The following KCNH5 variants were observed in gnomAD, a reference collection of about 807,000 sequenced individuals.
KCNH5 encodes the protein potassium voltage-gated channel subfamily H member 5.
Under a neutral mutation model 96.1 loss-of-function variants are expected in KCNH5, and 46 were observed. The observed-to-expected ratio is 0.48, with a 90% CI of 0.38 to 0.61. KCNH5 has a LOEUF of 0.61. Among genes scored for constraint, KCNH5 ranks in the 20% least tolerant of loss-of-function variants. KCNH5 has a pLI of 0.00. For missense variants in KCNH5, 907 were observed against 1,225.8 expected, an observed-to-expected ratio of 0.74 and a Z score of 3.88; for synonymous variants, 439 against 449.8, an observed-to-expected ratio of 0.98 and a Z score of 0.30.
intron 2 of KCNH5, among the ~76,000 whole-genome samples, chr14:63,014,539 A>T (rs901778598): frequency 1.3e-5 from 2 of 152,156 alleles, no homozygotes; most frequent in Non-Finnish European, 2.9e-5. Flanking sequence ...CTTGCCAAAG[A>T]AAATAGGCCA....
intron 7 of KCNH5, among the ~76,000 whole-genome samples, chr14:62,852,508 G>A (rs1226129989): frequency 2.0e-5 from 3 of 152,050 alleles, no homozygotes; most frequent in Admixed American, 6.5e-5. Flanking sequence ...GCAGCTTCTC[G>A]CAAGGATGAC....
Position 62,974,031 on chromosome 14 carries a change from T to C in KCNH5, c.942+6841A>G, listed in dbSNP as rs189849895. ...ATACAGGATAAAGTGAAATGATGCA[T>C]GTGGCAGCTTGACAAGCATAATTCA... On this transcript the variant is annotated intron_variant, in intron 6 of 10. Transcript: ENST00000322893. 1.3e-4 allele frequency among the ~76,000 whole-genome samples: 20 copies of C among 152,290 alleles called. No individual in the cohort carries two copies. In the East Asian group the frequency reaches 3.9e-3, roughly 29 times the overall value.
In KCNH5 at chr14:63,000,675, G is replaced by A. The variant is rs111309034; in HGVS notation, c.433+656C>T. ...ACAAAATTCAATCAACTAACCAACT[G>A]AGCTCTAGTTAGATTTCACCCAAAC... On this transcript the variant is annotated intron_variant, in intron 4 of 10. Transcript: ENST00000322893. Among the ~76,000 whole-genome samples, 306 of 152,274 alleles carry A rather than the reference G, an allele frequency of 2.0e-3. 3 individuals are homozygous for A. The highest frequency in any genetic ancestry group is 7.2e-3 in the African/African-American group (300 of 41,566).
At chr14:62,769,732 T>C (rs1426432516) in intron 10 of KCNH5, among the ~76,000 whole-genome samples, 3 of 152,226 alleles carry the variant, frequency 2.0e-5, no homozygotes, top group Non-Finnish European at 4.4e-5. Flanking sequence ...ATTATTCTGG[T>C]CAGTGATGAT....
chr14:62,789,741 C>T (rs1025360125), intron 9 of KCNH5, among the ~76,000 whole-genome samples: 1 of 151,826 alleles, frequency 6.6e-6, no homozygotes, highest in African/African-American at 2.4e-5. Context: ...GGAGAAATTT[C>T]TGCTCAGGTT....
At chr14:62,850,113 G>T (rs1887775343) in intron 7 of KCNH5, among the ~76,000 whole-genome samples, 1 of 152,114 alleles carries the variant, frequency 6.6e-6, no homozygotes, top group African/African-American at 2.4e-5. Context: ...TGAAGAATCA[G>T]ATGATCCAAA....
Position 63,024,217 on chromosome 14 carries a change from T to A in KCNH5, c.74-7263A>T, listed in dbSNP as rs182490737. On this transcript the variant is annotated intron_variant, in intron 1 of 10. Coordinates refer to ENST00000322893, the MANE Select transcript of KCNH5 (RefSeq NM_139318.5). ...GAGTGAGACTCCATCTCAAAAAATA[T>A]ATATATATATATCTTGAGACAAATG... Among the ~76,000 whole-genome samples, 67 of 145,050 alleles carry A rather than the reference T, an allele frequency of 4.6e-4. 1 individual carries two copies. Among genetic ancestry groups the A allele is most frequent in the African/African-American group, 1.5e-3 (59 of 39,474 alleles).
chr14:62,840,106 G>A (rs891919681), intron 8 of KCNH5, among the ~76,000 whole-genome samples: 1 of 152,042 alleles, frequency 6.6e-6, no homozygotes, highest in Non-Finnish European at 1.5e-5. Context: ...TCTATAGCAA[G>A]GACCACAAAA....
intron 7 of KCNH5, among the ~76,000 whole-genome samples, chr14:62,855,812 T>C (rs1395760759): frequency 6.6e-6 from 1 of 152,090 alleles, no homozygotes; most frequent in Non-Finnish European, 1.5e-5. Context: ...GATTGAACAA[T>C]GTTATAACTC....
At chr14:63,023,974 C>T (rs77458707) in intron 1 of KCNH5, among the ~76,000 whole-genome samples, 7,123 of 151,836 alleles carry the variant, frequency 0.047, 191 homozygotes, top group East Asian at 0.061. Flanking sequence ...CTTTGGGAGG[C>T]TGAGCCAGGC....
intron 4 of KCNH5, among the ~76,000 whole-genome samples, chr14:62,988,909 C>T (rs74058741): frequency 0.06 from 9,104 of 152,018 alleles, 435 homozygotes; most frequent in African/African-American, 0.13. Context: ...CCCCCTTTAT[C>T]ACCCACTCTG....
At chr14:62,955,980 C>T (rs917837440) in intron 6 of KCNH5, among the ~76,000 whole-genome samples, 8 of 152,136 alleles carry the variant, frequency 5.3e-5, no homozygotes, top group African/African-American at 1.9e-4. Context: ...CAACAACCAA[C>T]CACGCTGCAG....
intron 10 of KCNH5, among the ~76,000 whole-genome samples, chr14:62,762,830 C>T (rs1026977090): frequency 1.3e-5 from 2 of 151,494 alleles, no homozygotes; most frequent in East Asian, 3.9e-4. Flanking sequence ...TTCAAATCAA[C>T]AAGAAGACAT....
chr14:62,966,682 A>G (rs1311232143), intron 6 of KCNH5, among the ~76,000 whole-genome samples: 1 of 152,132 alleles, frequency 6.6e-6, no homozygotes, highest in Non-Finnish European at 1.5e-5. Flanking sequence ...GAACTTTGCA[A>G]AGACCTATTA....
intron 6 of KCNH5, among the ~76,000 whole-genome samples, chr14:62,974,234 C>G (rs1890461000): frequency 6.6e-6 from 1 of 152,122 alleles, no homozygotes; most frequent in Non-Finnish European, 1.5e-5. Flanking sequence ...CTTATTAAGA[C>G]TACTCATTAT....
intron 4 of KCNH5, among the ~76,000 whole-genome samples, chr14:62,996,776 C>T (rs948930664): frequency 8.5e-5 from 13 of 152,216 alleles, no homozygotes; most frequent in Admixed American, 5.9e-4. Flanking sequence ...AAAACTGCTG[C>T]GAAAGTACTG....
chr14:62,846,952 C>T (rs1188179948), intron 8 of KCNH5, among the ~76,000 whole-genome samples: 4 of 148,696 alleles, frequency 2.7e-5, no homozygotes, highest in Non-Finnish European at 6.0e-5. Flanking sequence ...AGGCGCCCGC[C>T]AGCACGCCCG....
At chr14:62,817,134 A>T (rs1383535666) in intron 8 of KCNH5, among the ~76,000 whole-genome samples, 2 of 139,246 alleles carry the variant, frequency 1.4e-5, no homozygotes, top group African/African-American at 5.2e-5. Flanking sequence ...ATTATAATAT[A>T]TAATATATAT....
At chr14:62,952,367 CA>C (rs1890023557) in intron 6 of KCNH5, among the ~76,000 whole-genome samples, 1 of 152,028 alleles carries the variant, frequency 6.6e-6, no homozygotes, top group Non-Finnish European at 1.5e-5. Flanking sequence ...TGAAAGCTTT[CA>C]AAAATGGAAC....
Sources: allele counts gnomAD v4.1 joint callset (sites outside exome capture counted in the v4.1 genomes callset), GRCh38; gene constraint gnomAD v4.1.1; transcripts MANE v1.5; gene names NCBI Gene and HGNC (gene_info 2026-07-23, HGNC 2026-07-21).